Variants in ANO5 observed in about 807,000 individuals in gnomAD.
ANO5 encodes anoctamin-5.
ANO5 carries 109 observed loss-of-function variants against 121.0 expected under a neutral mutation model. The ratio of observed to expected loss-of-function variants is 0.90; its 90% CI spans 0.77 to 1.06. The LOEUF is 1.06. ANO5 is among the 50% of genes least tolerant of loss of function. ANO5 has a pLI of 0.00. For missense variants in ANO5, 1,064 were observed against 1,078.5 expected, an observed-to-expected ratio of 0.99 and a Z score of 0.19; for synonymous variants, 406 against 359.9, an observed-to-expected ratio of 1.13 and a Z score of -1.45.
In ANO5 at chr11:22,269,906, T is replaced by G. The variant is rs143579049; in HGVS notation, c.1899-406T>G. 2.1e-3 allele frequency among the ~76,000 whole-genome samples: 323 copies of G among 152,360 alleles called. 1 individual carries two copies. Among genetic ancestry groups the G allele is most frequent in the Non-Finnish European group, 4.1e-3 (277 of 68,030 alleles). Reference sequence around the variant, plus strand: ...ATTTTGTTTAATGTTATTCCATTTATTTTCATATTATGTAAGTCATTTCCT... The same window carrying G: ...ATTTTGTTTAATGTTATTCCATTTAGTTTCATATTATGTAAGTCATTTCCT... On this transcript the variant is annotated intron_variant, in intron 17 of 21. Transcript: ENST00000324559.
chr11:22,201,281 A>T (rs1247663436), intron 1 of ANO5, among the ~76,000 whole-genome samples: 1 of 152,200 alleles, frequency 6.6e-6, no homozygotes, highest in Non-Finnish European at 1.5e-5. Context: ...GTGCTAAAAG[A>T]ACAAAATCAA....
At chr11:22,278,335 C>A (rs977000957) in intron 21 of ANO5, among the ~76,000 whole-genome samples, 2 of 151,580 alleles carry the variant, frequency 1.3e-5, no homozygotes, top group Admixed American at 6.6e-5. Context: ...GGCATAATTT[C>A]TTTGATAAAT....
Position 22,279,844 on chromosome 11 carries a change from ATGTGTCAATTT to A in ANO5, c.*81_*91del. On this transcript the variant is annotated 3_prime_UTR_variant, in exon 22 of 22. Coordinates refer to ENST00000324559, the MANE Select transcript of ANO5 (RefSeq NM_213599.3). ...GTTTTAGGGCCAGACGCCAGAAGCC[ATGTGTCAATTT>A]TACCCTTTCTTTTTTTTTTTTTTCT... The A allele has an allele frequency of 1.7e-6, 2 of 1,207,038 alleles. No homozygotes were observed. Among genetic ancestry groups the A allele is most frequent in the Admixed American group, 4.5e-5 (2 of 44,254 alleles). 74.8% of individuals were successfully genotyped at this position (1,207,038 alleles called of 1,614,324 possible).
rs1855042000 is a variant in ANO5 at position 22,280,563 on chromosome 11, T to C, written c.*798T>C. 1 of 151,976 alleles carries C rather than the reference T, an allele frequency of 6.6e-6. No individual in the cohort carries two copies. Among genetic ancestry groups the C allele is most frequent in the Non-Finnish European group, 1.5e-5 (1 of 67,872 alleles). 9.4% of individuals were successfully genotyped at this position (151,976 alleles called of 1,614,324 possible). A position where few individuals can be genotyped will look rare whatever the true frequency, so the allele number is the denominator to read the frequency against. Reference sequence around the variant, plus strand: ...GTAAATGTGTTTTCTTAGTAGTTAATGGATGCAGGACAATGTATATTGATT... The same window carrying C: ...GTAAATGTGTTTTCTTAGTAGTTAACGGATGCAGGACAATGTATATTGATT... On this transcript the variant is annotated 3_prime_UTR_variant, in exon 22 of 22. Coordinates refer to ENST00000324559, the MANE Select transcript of ANO5 (RefSeq NM_213599.3).
At chr11:22,214,481 T>C (rs1304031079) in intron 3 of ANO5, among the ~76,000 whole-genome samples, 1 of 151,952 alleles carries the variant, frequency 6.6e-6, no homozygotes, top group Admixed American at 6.6e-5. Flanking sequence ...AAAGACTTTT[T>C]ACAAAGATGG....
At chr11:22,251,608 TC>T (rs1362072211) in intron 12 of ANO5, among the ~76,000 whole-genome samples, 1 of 152,192 alleles carries the variant, frequency 6.6e-6, no homozygotes, top group Non-Finnish European at 1.5e-5. Flanking sequence ...AAGAATAACT[TC>T]GTTGGAAGAG....
chr11:22,193,223 A>C lies in ANO5; in HGVS notation c.-270A>C. On this transcript the variant is annotated 5_prime_UTR_variant, in exon 1 of 22. Coordinates refer to ENST00000324559, the MANE Select transcript of ANO5 (RefSeq NM_213599.3). ...GCTGAGGGTGGGGAAGCGCAGGGCC[A>C]AGCGCGCGAAGCAGGTTGTGGGGGA... is the stretch of plus-strand genomic sequence containing the variant. 2.8e-6 allele frequency: 3 copies of C among 1,083,540 alleles called. No homozygotes were observed. Among genetic ancestry groups the C allele is most frequent in the Non-Finnish European group, 1.1e-6 (1 of 890,892 alleles). The allele number at this position is 1,083,540 out of a possible 1,614,324, so 67.1% of individuals were successfully genotyped here.
intron 2 of ANO5, among the ~76,000 whole-genome samples, chr11:22,204,984 G>T (rs1208049626): frequency 6.6e-6 from 1 of 152,030 alleles, no homozygotes; most frequent in African/African-American, 2.4e-5. Context: ...AAGAAAATGT[G>T]ATACATATAT....
chr11:22,222,289 G>T (rs1852678638), intron 5 of ANO5, among the ~76,000 whole-genome samples: 1 of 151,594 alleles, frequency 6.6e-6, no homozygotes, highest in African/African-American at 2.4e-5. Flanking sequence ...TTACCTCCTG[G>T]ATCACTGTCC....
rs981936675 is a variant in ANO5 at position 22,193,190 on chromosome 11, C to A, written c.-303C>A. 15 of 1,259,666 alleles carry A rather than the reference C, an allele frequency of 1.2e-5. No individual in the cohort carries two copies. The highest frequency in any genetic ancestry group is 3.1e-5 in the African/African-American group (2 of 65,090). 78.0% of individuals were successfully genotyped at this position (1,259,666 alleles called of 1,614,324 possible). A position where few individuals can be genotyped will look rare whatever the true frequency, so the allele number is the denominator to read the frequency against. The stretch of plus-strand genomic sequence containing the variant: ...GAAGTACTGGGAGAGCGCCCAGGAG[C>A]GCTACCGGCTGAGGGTGGGGAAGCG... On this transcript the variant is annotated 5_prime_UTR_variant, in exon 1 of 22. Transcript: ENST00000324559.
chr11:22,279,898 A>C lies in ANO5; in HGVS notation c.*133A>C. On this transcript the variant is annotated 3_prime_UTR_variant, in exon 22 of 22. Transcript: ENST00000324559. ...TTTTTTCTTTTTTTTTTTAAACTCA[A>C]AGTTTTTATACACTTTTATAGAGGC... The C allele has an allele frequency of 1.2e-6, 1 of 802,896 alleles. No individual in the cohort carries two copies. Among genetic ancestry groups the C allele is most frequent in the African/African-American group, 1.8e-5 (1 of 56,466 alleles). The allele number at this position is 802,896 out of a possible 1,614,324, so 49.7% of individuals were successfully genotyped here.
chr11:22,222,049 G>A (rs1477125841), intron 5 of ANO5, among the ~76,000 whole-genome samples: 1 of 151,740 alleles, frequency 6.6e-6, no homozygotes, highest in African/African-American at 2.4e-5. Flanking sequence ...CCTCTTTGAG[G>A]TTTTTTGCTT....
chr11:22,195,054 G>T (rs943321648), intron 1 of ANO5, among the ~76,000 whole-genome samples: 1 of 152,126 alleles, frequency 6.6e-6, no homozygotes, highest in Non-Finnish European at 1.5e-5. Flanking sequence ...CATCAATAAT[G>T]TATGAGGGTT....
chr11:22,218,339 A>T (rs1379112781), intron 4 of ANO5, 52 bp downstream of exon 4: 5 of 1,601,420 alleles, frequency 3.1e-6, no homozygotes, highest in Non-Finnish European at 3.4e-6. Context: ...CTGCAGTGGT[A>T]GCCTTAGTTA....
chr11:22,239,512 A>T, intron 8 of ANO5, 57 bp from the exon 9 acceptor site: 3 of 1,240,536 alleles, frequency 2.4e-6, no homozygotes, highest in Non-Finnish European at 3.6e-6. Flanking sequence ...GTGTTTATTT[A>T]CTTCGTCTTT....
At chr11:22,247,078 C>A (rs2133692882) in intron 9 of ANO5, among the ~76,000 whole-genome samples, 1 of 152,098 alleles carries the variant, frequency 6.6e-6, no homozygotes, top group East Asian at 1.9e-4. Context: ...ATACTCCAAA[C>A]AAAATACAGA....
At chr11:22,262,912 C>T (rs1854237254) in intron 16 of ANO5, 34 bp from the exon 17 acceptor site, 1 of 1,497,234 alleles carries the variant, frequency 6.7e-7, no homozygotes, top group Non-Finnish European at 9.3e-7. Flanking sequence ...TTTGATCATT[C>T]AATTCTGTTT....
chr11:22,238,193 G>A (rs1232261961), intron 8 of ANO5, among the ~76,000 whole-genome samples: 4 of 151,126 alleles, frequency 2.6e-5, no homozygotes, highest in Admixed American at 6.6e-5. Context: ...TAACATGGAC[G>A]TTTGGTAAAG....
chr11:22,205,744 T>C (rs1852099023), intron 2 of ANO5, among the ~76,000 whole-genome samples: 2 of 152,074 alleles, frequency 1.3e-5, no homozygotes, highest in South Asian at 4.1e-4. Flanking sequence ...GGAGTTGCGC[T>C]GGGACATATG....
Sources: allele counts gnomAD v4.1 joint callset (sites outside exome capture counted in the v4.1 genomes callset), GRCh38; gene constraint gnomAD v4.1.1; transcripts MANE v1.5; gene names NCBI Gene and HGNC (gene_info 2026-07-23, HGNC 2026-07-21).